The following KIF15 variants were observed in gnomAD, a reference collection of about 807,000 sequenced individuals.
KIF15 encodes the protein kinesin-like protein KIF15.
In KIF15, 140 loss-of-function variants were observed where a neutral mutation model predicts 190.6. The observed-to-expected ratio is 0.73, with a 90% CI of 0.64 to 0.84. The LOEUF (loss-of-function observed/expected upper bound fraction) is 0.84. KIF15 is among the 40% of genes least tolerant of loss of function. The probability of loss-of-function intolerance (pLI) is 0.00; values close to 1 mark genes in which losing one functional copy is unlikely to be tolerated. For synonymous variants in KIF15, 528 were observed against 551.3 expected, an observed-to-expected ratio of 0.96 and a Z score of 0.59; for missense variants, 1,372 against 1,584.4, an observed-to-expected ratio of 0.87 and a Z score of 2.28.
chr3:44,842,627 T>C (rs1698661699), intron 29 of KIF15, among the ~76,000 whole-genome samples: 1 of 152,156 alleles, frequency 6.6e-6, no homozygotes, highest in South Asian at 2.1e-4. Flanking sequence ...TAGAAGAAAC[T>C]GGGTCAGGTG....
downstream of KIF15, among the ~76,000 whole-genome samples, chr3:44,855,495 T>C (rs2125735694): frequency 6.6e-6 from 1 of 152,272 alleles, no homozygotes; most frequent in Non-Finnish European, 1.5e-5. Context: ...CCTGTCTTCT[T>C]ATATTAATAA....
intron 25 of KIF15, among the ~76,000 whole-genome samples, chr3:44,830,373 C>CA (rs1698007082): frequency 6.6e-6 from 1 of 152,178 alleles, no homozygotes; most frequent in Non-Finnish European, 1.5e-5. Context: ...GAATAAGAAA[C>CA]AGGCTGGTTG....
intron 1 of KIF15, among the ~76,000 whole-genome samples, chr3:44,768,498 T>C (rs890869092): frequency 6.6e-6 from 1 of 152,084 alleles, no homozygotes; most frequent in African/African-American, 2.4e-5. Context: ...AGGTGCAAAT[T>C]CCCAGTGGCT....
intron 20 of KIF15, among the ~76,000 whole-genome samples, chr3:44,823,014 C>T (rs1042402681): frequency 2.6e-5 from 4 of 152,174 alleles, no homozygotes; most frequent in Non-Finnish European, 1.5e-5. Context: ...TCTGTCAACT[C>T]GTCAAAGTTA....
At chr3:44,864,925 G>A in intron 6 of KIF15, 1 of 1,400,150 alleles carries the variant, frequency 7.1e-7, no homozygotes, top group Non-Finnish European at 9.8e-7. Context: ...CAAGCCCAAG[G>A]CTTCTGGCTC....
intron 3 of KIF15, 95 bp downstream of exon 3, chr3:44,775,532 T>C (rs1226512883): frequency 1.2e-6 from 1 of 838,096 alleles, no homozygotes; most frequent in Non-Finnish European, 1.8e-6. Flanking sequence ...CTCGGCTCAC[T>C]GCACCCTCTG....
At chr3:44,836,075 G>A (rs1027362825) in intron 26 of KIF15, among the ~76,000 whole-genome samples, 4 of 152,120 alleles carry the variant, frequency 2.6e-5, no homozygotes, top group Non-Finnish European at 4.4e-5. Context: ...GGATGGGCAC[G>A]GTGACTCACA....
chr3:44,863,348 C>T (rs969004502), intron 6 of KIF15: 2 of 142,958 alleles, frequency 1.4e-5, no homozygotes, highest in Non-Finnish European at 3.0e-5. Context: ...TAACTCACCA[C>T]CAAGCAAGGG....
At chr3:44,841,784 A>C (rs1258649074) in intron 29 of KIF15, among the ~76,000 whole-genome samples, 3 of 152,198 alleles carry the variant, frequency 2.0e-5, no homozygotes, top group Non-Finnish European at 4.4e-5. Context: ...TAGACAGAGA[A>C]AAGTATTCCT....
Position 44,852,693 on chromosome 3 carries a change from C to A in KIF15, c.4125C>A (p.Ala1375=). ...RLAEETEKLR[A]ENVFLKEKKR... is the part of the protein sequence containing the mutation. ...CTTAGGAGACAGAAAAGTTGCGTGC[C>A]GAAAATGTATTTTTAAAAGAAAAGA... The change falls in exon 35 of 35, where the codon GCC becomes GCA. Residue 1375 remains alanine (A), a synonymous_variant. Transcript: ENST00000326047. 1 of 1,593,200 alleles carries A rather than the reference C, an allele frequency of 6.3e-7. No homozygotes were observed.
intron 5 of KIF15, among the ~76,000 whole-genome samples, chr3:44,781,814 A>G (rs1284814123): frequency 6.6e-6 from 1 of 152,200 alleles, no homozygotes; most frequent in Admixed American, 6.5e-5. Flanking sequence ...CGATATATCA[A>G]TACCCTGTCT....
At position 44,786,424 on chromosome 3, in the gene KIF15, G is replaced by A. The variant is rs375739228; in HGVS notation, c.489G>A (p.Lys163=). Residue 163 remains lysine (K), a synonymous_variant, in exon 7 of 35, where the codon AAG becomes AAA. Coordinates refer to ENST00000326047, the MANE Select transcript of KIF15 (RefSeq NM_020242.3). The part of the protein sequence containing the change: ...KAGAGKSFLC[K]CSFIEIYNEQ... The stretch of plus-strand genomic sequence containing the variant: ...GAGCTGGAAAGAGTTTCCTTTGTAA[G>A]TGTTCCTTTATTGAAATCTACAACG... The A allele has an allele frequency of 1.1e-5, 17 of 1,610,378 alleles. No homozygotes were observed. The highest frequency in any genetic ancestry group is 1.4e-5 in the Non-Finnish European group (17 of 1,177,502).
chr3:44,813,245 T>C, intron 19 of KIF15, 65 bp downstream of exon 19: 1 of 914,278 alleles, frequency 1.1e-6, no homozygotes, highest in East Asian at 2.7e-5. Flanking sequence ...CTTTTTACTT[T>C]TATTAATAAA....
In KIF15 at chr3:44,780,977, AC is replaced by A. The variant is rs1038360925; in HGVS notation, c.361+57del. The A allele has an allele frequency of 1.1e-4, 136 of 1,269,264 alleles. 1 individual carries two copies. In the Admixed American group the frequency reaches 2.7e-3, roughly 25 times the overall value. 78.6% of individuals were successfully genotyped at this position (1,269,264 alleles called of 1,614,324 possible). On this transcript the variant is annotated intron_variant, in intron 5 of 34. Transcript: ENST00000326047. ...ATCTACTCTTTCTGTGATAACAGTA[AC>A]CTACAACATTTTGGGGAAAGGCATA... is the stretch of plus-strand genomic sequence containing the variant.
intron 26 of KIF15, among the ~76,000 whole-genome samples, chr3:44,831,403 C>A (rs1698066407): frequency 6.6e-6 from 1 of 152,092 alleles, no homozygotes; most frequent in East Asian, 1.9e-4. Flanking sequence ...TATATTTTAT[C>A]TAGCTAATCT....
chr3:44,786,644 A>G, intron 7 of KIF15, 70 bp downstream of exon 7: 2 of 1,327,672 alleles, frequency 1.5e-6, no homozygotes, highest in Non-Finnish European at 2.0e-6. Flanking sequence ...CAAACTCCAA[A>G]AAGTGACAAT....
At chr3:44,813,025 C>T (rs756965049) in intron 18 of KIF15, 50 bp from the exon 19 acceptor site, 1 of 1,110,088 alleles carries the variant, frequency 9.0e-7, no homozygotes, top group Non-Finnish European at 1.3e-6. Context: ...TGGAGTGCAT[C>T]TTAGCATGCC....
intron 27 of KIF15, among the ~76,000 whole-genome samples, chr3:44,839,342 C>A (rs1434773425): frequency 6.6e-6 from 1 of 151,586 alleles, no homozygotes; most frequent in Non-Finnish European, 1.5e-5. Flanking sequence ...CACTGCACTC[C>A]AGCCTGGGCG....
At chr3:44,807,658 ATGG>A (rs1474968915) in intron 16 of KIF15, among the ~76,000 whole-genome samples, 10 of 152,140 alleles carry the variant, frequency 6.6e-5, no homozygotes, top group African/African-American at 2.4e-4. Flanking sequence ...CTTTACACAA[ATGG>A]TGGCATAACA....
Sources: allele counts gnomAD v4.1 joint callset (sites outside exome capture counted in the v4.1 genomes callset), GRCh38; gene constraint gnomAD v4.1.1; transcripts MANE v1.5; gene names NCBI Gene and HGNC (gene_info 2026-07-23, HGNC 2026-07-21).